The following POLA1 variants were observed in gnomAD, a reference collection of about 807,000 sequenced individuals.
The protein encoded by POLA1 is DNA polymerase alpha 1, catalytic subunit.
POLA1 carries 15 observed loss-of-function variants against 124.0 expected under a neutral mutation model. The observed-to-expected ratio is 0.12, with a 90% CI of 0.08 to 0.19. The LOEUF is 0.19. Ranked by LOEUF, POLA1 falls within the 10% of genes least tolerant of loss-of-function variation. The pLI is 1.00. For synonymous variants in POLA1, 408 were observed against 389.4 expected (o/e 1.05, Z -0.56); for missense variants, 886 against 1,103.4 (o/e 0.80, Z 2.79).
chrX:24,818,620 G>A (rs1281245896), intron 30 of POLA1, among the ~76,000 whole-genome samples: 2 of 111,849 alleles, frequency 1.8e-5, no homozygotes, highest in African/African-American at 3.2e-5. Flanking sequence ...CCAAGAGCTC[G>A]TGTTGATGTG....
chrX:24,929,161 CATT>C (rs1214014295), intron 35 of POLA1, among the ~76,000 whole-genome samples: 1 of 112,292 alleles, frequency 8.9e-6, no homozygotes, highest in African/African-American at 3.2e-5. Flanking sequence ...AATTTTTCAT[CATT>C]AAGACCCAGC....
Position 24,826,475 on chromosome X carries a change from C to T in POLA1, c.3610C>T (p.Leu1204=), listed in dbSNP as rs756064827. 8.3e-7 allele frequency: 1 copy of T among 1,206,628 alleles called. No individual in the cohort carries two copies. Among genetic ancestry groups the T allele is most frequent in the Admixed American group, 2.2e-5 (1 of 45,909 alleles). The stretch of plus-strand genomic sequence containing the variant: ...TCAGAGGGCCTATGCGCCTGAGCAG[C>T]TGCAGAAACAGGATAATCTAACCAT... ...ASQRAYAPEQ[L]QKQDNLTIDT... Residue 1204 remains leucine (L), a synonymous_variant, in exon 32 of 37, where the codon CTG becomes TTG. Coordinates refer to ENST00000379068, the MANE Select transcript of POLA1 (RefSeq NM_001330360.2).
chrX:24,705,655 T>A (rs943794697), intron 4 of POLA1, among the ~76,000 whole-genome samples: 2 of 111,557 alleles, frequency 1.8e-5, no homozygotes, highest in South Asian at 7.5e-4. Context: ...TTTGTTTTCA[T>A]GTCTCTTTAG....
intron 36 of POLA1, among the ~76,000 whole-genome samples, chrX:24,975,461 A>C (rs1466601178): frequency 8.9e-6 from 1 of 112,389 alleles, no homozygotes; most frequent in African/African-American, 3.2e-5. Flanking sequence ...TCAAAACAAA[A>C]AAAAAAAATG....
chrX:24,950,504 A>G (rs1448451205), intron 36 of POLA1, among the ~76,000 whole-genome samples: 1 of 112,281 alleles, frequency 8.9e-6, no homozygotes, highest in African/African-American at 3.2e-5. Flanking sequence ...TATTCTTTTC[A>G]ATAAAGTTCA....
At chrX:24,722,309 G>A (rs1168156793) in intron 10 of POLA1, among the ~76,000 whole-genome samples, 2 of 111,814 alleles carry the variant, frequency 1.8e-5, no homozygotes, top group Non-Finnish European at 3.8e-5. Flanking sequence ...TCTGTTCTTC[G>A]TGGCCAATTT....
chrX:24,806,053 G>GGTTTTT (rs2045791856), intron 26 of POLA1, among the ~76,000 whole-genome samples: 1 of 35,302 alleles, frequency 2.8e-5, no homozygotes, highest in Non-Finnish European at 4.7e-5. Context: ...GTGGTATGAG[G>GGTTTTT]TTTTTTTTTT....
intron 26 of POLA1, among the ~76,000 whole-genome samples, chrX:24,793,042 C>T (rs998227829): frequency 4.5e-5 from 5 of 110,014 alleles, no homozygotes; most frequent in African/African-American, 1.7e-4. Context: ...TTTGGGAGGC[C>T]GAGGTGGGTG....
intron 1 of POLA1, among the ~76,000 whole-genome samples, chrX:24,698,234 A>G (rs1410083456): frequency 8.9e-6 from 1 of 111,746 alleles, no homozygotes; most frequent in African/African-American, 3.3e-5. Flanking sequence ...GAGCCACTGC[A>G]TCCGCTTGAA....
chrX:24,962,741 C>A (rs2048182240), intron 36 of POLA1, among the ~76,000 whole-genome samples: 1 of 111,872 alleles, frequency 8.9e-6, no homozygotes, highest in South Asian at 3.7e-4. Flanking sequence ...ATTCATAGGA[C>A]TGTTCGTGTT....
intron 35 of POLA1, among the ~76,000 whole-genome samples, chrX:24,915,861 A>G (rs191372571): frequency 8.9e-6 from 1 of 112,189 alleles, no homozygotes; most frequent in Non-Finnish European, 1.9e-5. Flanking sequence ...GAATGAGGAC[A>G]TGGATTATCT....
At chrX:24,914,052 A>G (rs1274643490) in intron 35 of POLA1, among the ~76,000 whole-genome samples, 1 of 109,934 alleles carries the variant, frequency 9.1e-6, no homozygotes, top group Non-Finnish European at 1.9e-5. Flanking sequence ...AATTTTTTAA[A>G]AAAAGTCATG....
rs188036929 is a variant in POLA1 at position 24,802,206 on chromosome X, A to T, written c.2965-7692A>T. 4.3e-3 allele frequency among the ~76,000 whole-genome samples: 472 copies of T among 111,027 alleles called. 3 individuals carry two copies. The highest frequency in any genetic ancestry group is 0.032 in the Admixed American group (332 of 10,414). On this transcript the variant is annotated intron_variant, in intron 26 of 36. Coordinates refer to ENST00000379068, the MANE Select transcript of POLA1 (RefSeq NM_001330360.2). ...CTGATTTAAATGTTAATCTCATTTT[A>T]AAAAAATACCTTTACAGTGACATCT...
chrX:24,756,126 G>T (rs1468486751), intron 26 of POLA1, among the ~76,000 whole-genome samples: 1 of 111,876 alleles, frequency 8.9e-6, no homozygotes, highest in Non-Finnish European at 1.9e-5. Context: ...TACAGAAAAA[G>T]CTTGCAAACC....
chrX:24,869,215 T>C (rs1451289896), intron 34 of POLA1, among the ~76,000 whole-genome samples: 1 of 112,835 alleles, frequency 8.9e-6, no homozygotes, highest in Non-Finnish European at 1.9e-5. Flanking sequence ...ATTACAGGCA[T>C]GAGCCACTCT....
Position 24,742,080 on chromosome X carries a change from G to A in POLA1, c.2425G>A (p.Val809Met). 1 of 1,202,961 alleles carries A rather than the reference G, an allele frequency of 8.3e-7. No homozygotes were observed. The highest frequency in any genetic ancestry group is 1.1e-6 in the Non-Finnish European group (1 of 890,243). Residue 809 changes from valine to methionine, a missense_variant, in exon 22 of 37, where the codon GTG becomes ATG. Around this residue, in one of 7 missense-constraint regions of POLA1, gnomAD observed 182 missense variants for 252.8 expected, o/e 0.72. Transcript: ENST00000379068. The stretch of plus-strand genomic sequence containing the variant: ...TGCATTTTACGAAAACAACTATATT[G>A]TGCCTGACAAGCAGATTTTCAGAAA... ...LHAFYENNYIVPDKQIFRKPQ... is the reference protein window; with the variant it reads ...LHAFYENNYIMPDKQIFRKPQ...
intron 35 of POLA1, among the ~76,000 whole-genome samples, chrX:24,896,687 TA>T (rs1263286241): frequency 8.9e-6 from 1 of 111,811 alleles, no homozygotes; most frequent in Non-Finnish European, 1.9e-5. Context: ...GGACACCTTT[TA>T]GAGTGGAACA....
chrX:24,858,462 A>G (rs1166174816), intron 34 of POLA1, among the ~76,000 whole-genome samples: 1 of 112,074 alleles, frequency 8.9e-6, no homozygotes, highest in African/African-American at 3.2e-5. Context: ...GTGACTCACC[A>G]TAGTCTCTTT....
chrX:24,994,710 G>A (rs758805579), intron 36 of POLA1, among the ~76,000 whole-genome samples: 13 of 104,168 alleles, frequency 1.2e-4, no homozygotes, highest in African/African-American at 4.6e-4. Context: ...TGTAACCTTG[G>A]GTAAGTGACT....
Sources: allele counts gnomAD v4.1 joint callset (sites outside exome capture counted in the v4.1 genomes callset), GRCh38; gene constraint gnomAD v4.1.1; regional missense constraint gnomAD v4.1.1; transcripts MANE v1.5; gene names NCBI Gene and HGNC (gene_info 2026-07-23, HGNC 2026-07-21).